The following NEMP1 variants were observed in gnomAD, a reference collection of about 807,000 sequenced individuals.
NEMP1 encodes the protein nuclear envelope integral membrane protein 1, also known as transmembrane protein 194.
NEMP1 carries 29 observed loss-of-function variants against 53.7 expected under a neutral mutation model. The observed-to-expected ratio is 0.54, with a 90% CI of 0.40 to 0.74. The LOEUF (loss-of-function observed/expected upper bound fraction) is 0.74. NEMP1 is among the 30% of genes least tolerant of loss of function. The pLI, the probability that NEMP1 is intolerant of heterozygous loss-of-function variation, is 0.00. For synonymous variants in NEMP1, 193 were observed against 192.9 expected, an observed-to-expected ratio of 1.00 and a Z score of 0.00; for missense variants, 477 against 528.6, an observed-to-expected ratio of 0.90 and a Z score of 0.96.
upstream of NEMP1, among the ~76,000 whole-genome samples, chr12:57,082,532 G>C: frequency 6.6e-6 from 1 of 152,136 alleles, no homozygotes; most frequent in East Asian, 1.9e-4. Context: ...GGGCAACATA[G>C]TAGGACTCTG....
At position 57,063,176 on chromosome 12, in the gene NEMP1, A is replaced by C; in HGVS notation, c.923T>G (p.Ile308Ser). The change falls in exon 7 of 9, where the codon ATT becomes AGT. Residue 308 changes from isoleucine (I) to serine (S), a missense_variant. By Grantham distance (142) the Ile-to-Ser change is moderately radical. Transcript: ENST00000300128. ...IPHIALAIII[I>S]ALCTKNLEHP... ...TTCCAGGTTCTTAGTACAAAGAGCAATGATGATAATGGCAAGGGCAATATG... is the reference window on the plus strand; with the variant it reads ...TTCCAGGTTCTTAGTACAAAGAGCACTGATGATAATGGCAAGGGCAATATG... 6.2e-7 allele frequency: 1 copy of C among 1,614,194 alleles called. No individual in the cohort carries two copies. Among genetic ancestry groups the C allele is most frequent in the South Asian group, 1.1e-5 (1 of 91,078 alleles).
At chr12:57,063,788 T>C (rs2031936588) in intron 6 of NEMP1, among the ~76,000 whole-genome samples, 1 of 152,212 alleles carries the variant, frequency 6.6e-6, no homozygotes, top group African/African-American at 2.4e-5. Context: ...ATTCCATTAA[T>C]AAAGTCAACT....
intron 2 of NEMP1, among the ~76,000 whole-genome samples, chr12:57,071,275 T>C (rs1286240175): frequency 6.6e-6 from 1 of 152,186 alleles, no homozygotes; most frequent in African/African-American, 2.4e-5. Context: ...AAACTAAAAA[T>C]GTTTTCCGTA....
chr12:57,068,684 G>C (rs2032207308), intron 4 of NEMP1, among the ~76,000 whole-genome samples: 1 of 152,090 alleles, frequency 6.6e-6, no homozygotes, highest in Admixed American at 6.5e-5. Context: ...TCCTGCCTCA[G>C]CCTCACAAGT....
intron 4 of NEMP1, among the ~76,000 whole-genome samples, chr12:57,066,369 G>A (rs1169112760): frequency 6.6e-6 from 1 of 152,226 alleles, no homozygotes; most frequent in Non-Finnish European, 1.5e-5. Context: ...TATCACTTGT[G>A]TGTTCCCTGG....
chr12:57,070,791 A>C lies in NEMP1; in HGVS notation c.355T>G (p.Phe119Val), dbSNP rs2032309527. ...QFSIWNFFSS[F>V]LKEKLNDTYV... Reference sequence around the variant, plus strand: ...GTGTCATTCAATTTCTCTTTTAAAAAGGAGGAAAAAAAGTTCCAGATACTA... The same window carrying C: ...GTGTCATTCAATTTCTCTTTTAAAACGGAGGAAAAAAAGTTCCAGATACTA... Residue 119 changes from phenylalanine to valine, a missense_variant, in exon 3 of 9, where the codon TTT (phenylalanine) becomes GTT (valine). Coordinates refer to ENST00000300128, the MANE Select transcript of NEMP1 (RefSeq NM_001130963.2). The C allele has an allele frequency of 6.2e-7, 1 of 1,613,354 alleles. No individual in the cohort carries two copies. The highest frequency in any genetic ancestry group is 8.5e-7 in the Non-Finnish European group (1 of 1,179,626).
chr12:57,088,105 G>A (rs1196215408), upstream of NEMP1: 1 of 152,232 alleles, frequency 6.6e-6, no homozygotes, highest in Non-Finnish European at 1.5e-5. Context: ...ACTCTCGGGC[G>A]AGGTCCCTAA....
chr12:57,068,686 C>T (rs1466705351), intron 4 of NEMP1, among the ~76,000 whole-genome samples: 1 of 152,130 alleles, frequency 6.6e-6, no homozygotes, highest in Non-Finnish European at 1.5e-5. Flanking sequence ...CTGCCTCAGC[C>T]TCACAAGTAG....
intron 3 of NEMP1, among the ~76,000 whole-genome samples, chr12:57,070,342 T>C (rs2032286096): frequency 1.3e-5 from 2 of 152,226 alleles, no homozygotes; most frequent in Non-Finnish European, 2.9e-5. Context: ...GTCCAGAAGG[T>C]AGAACACGTC....
chr12:57,076,810 A>C (rs554041826), intron 1 of NEMP1, among the ~76,000 whole-genome samples: 3 of 152,046 alleles, frequency 2.0e-5, no homozygotes, highest in South Asian at 4.2e-4. Context: ...GTCTCAAAAA[A>C]AAAAAAATTA....
Position 57,078,644 on chromosome 12 carries a change from G to A in NEMP1, c.102C>T (p.Leu34=), listed in dbSNP as rs765036014. The part of the protein sequence containing the change: ...GGGTVRLLLI[L]SGCLVYGTAE... ...CTGTGCCGTAGACCAAGCAGCCGGA[G>A]AGGATCAAGAGTAGCCGCACTGTCC... Residue 34 remains leucine (L), a synonymous_variant, in exon 1 of 9, where the codon CTC becomes CTT. Transcript: ENST00000300128. 3 of 1,612,966 alleles carry A rather than the reference G, an allele frequency of 1.9e-6. No individual in the cohort carries two copies. The highest frequency in any genetic ancestry group is 2.2e-5 in the South Asian group (2 of 90,864).
upstream of NEMP1, among the ~76,000 whole-genome samples, chr12:57,080,629 C>T (rs185335521): frequency 6.8e-5 from 10 of 147,466 alleles, no homozygotes; most frequent in East Asian, 1.4e-3. Context: ...GTGGCTCATG[C>T]CTGTAATCCC....
chr12:57,075,500 CAATAAATAAATAAATA>C (rs71084729), intron 1 of NEMP1, among the ~76,000 whole-genome samples: 1 of 144,680 alleles, frequency 6.9e-6, no homozygotes, highest in African/African-American at 2.5e-5. Context: ...ATCTCAATAT[CAATAAATAAATAAATA>C]AATAAATAAA....
Position 57,057,516 on chromosome 12 carries a change from G to A in NEMP1, c.*2363C>T. The A allele has an allele frequency of 6.5e-6, 1 of 152,706 alleles. No individual in the cohort carries two copies. Among genetic ancestry groups the A allele is most frequent in the Admixed American group, 6.5e-5 (1 of 15,294 alleles). 9.5% of individuals were successfully genotyped at this position (152,706 alleles called of 1,614,324 possible). ...AACACAGAGGATCTGAAGCATCTGG[G>A]CAGAGCCACAGGCAGGCAGGGCAAG... is the stretch of plus-strand genomic sequence containing the variant. On this transcript the variant is annotated 3_prime_UTR_variant, in exon 9 of 9. Coordinates refer to ENST00000300128, the MANE Select transcript of NEMP1 (RefSeq NM_001130963.2).
intron 4 of NEMP1, among the ~76,000 whole-genome samples, chr12:57,067,086 G>A (rs910879885): frequency 8.5e-5 from 13 of 152,192 alleles, no homozygotes; most frequent in Non-Finnish European, 2.9e-5. Context: ...AGCACTTTGG[G>A]AGGCTGAGGC....
intron 4 of NEMP1, among the ~76,000 whole-genome samples, chr12:57,067,034 T>C (rs1169543451): frequency 2.0e-5 from 3 of 152,068 alleles, no homozygotes; most frequent in African/African-American, 7.2e-5. Context: ...AGTATGAAAA[T>C]GAACTAATAG....
At chr12:57,088,244 A>C (rs1454820169), upstream of NEMP1, among the ~76,000 whole-genome samples, 2 of 152,176 alleles carry the variant, frequency 1.3e-5, no homozygotes, top group Non-Finnish European at 2.9e-5. Context: ...CGACGCGTCT[A>C]ATCAACACGC....
chr12:57,060,411 T>C (rs554996243), intron 8 of NEMP1, among the ~76,000 whole-genome samples: 26 of 152,222 alleles, frequency 1.7e-4, no homozygotes, highest in Non-Finnish European at 3.4e-4. Context: ...GTAAACTTTA[T>C]GCCATCATGA....
At chr12:57,082,194 C>G (rs930741960), upstream of NEMP1, among the ~76,000 whole-genome samples, 1 of 151,982 alleles carries the variant, frequency 6.6e-6, no homozygotes, top group Non-Finnish European at 1.5e-5. Context: ...CACTCCAGCC[C>G]GGTGACAGAG....
Sources: allele counts gnomAD v4.1 joint callset (sites outside exome capture counted in the v4.1 genomes callset), GRCh38; gene constraint gnomAD v4.1.1; transcripts MANE v1.5; gene names NCBI Gene and HGNC (gene_info 2026-07-23, HGNC 2026-07-21).